MIDEAS: variants seen among roughly 807,000 people sequenced by gnomAD.
The protein encoded by MIDEAS is mitotic deacetylase-associated SANT domain protein.
MIDEAS carries 26 observed loss-of-function variants against 102.7 expected under a neutral mutation model. The ratio of observed to expected loss-of-function variants is 0.25; its 90% CI spans 0.19 to 0.35. The LOEUF is 0.35. Among genes scored for constraint, MIDEAS ranks in the 10% least tolerant of loss-of-function variants. The probability of loss-of-function intolerance (pLI) is 1.00; values close to 1 mark genes in which losing one functional copy is unlikely to be tolerated. For synonymous variants in MIDEAS, 585 were observed against 591.0 expected, an observed-to-expected ratio of 0.99 and a Z score of 0.15; for missense variants, 1,231 against 1,435.6, an observed-to-expected ratio of 0.86 and a Z score of 2.30.
At chr14:73,778,563 C>T (rs1329125218) in intron 1 of MIDEAS, among the ~76,000 whole-genome samples, 1 of 151,904 alleles carries the variant, frequency 6.6e-6, no homozygotes, top group Admixed American at 6.6e-5. Flanking sequence ...TGGCTATTGG[C>T]TTCTAAGTTG....
chr14:73,785,131 G>A (rs1173407976), intron 1 of MIDEAS, among the ~76,000 whole-genome samples: 2 of 152,248 alleles, frequency 1.3e-5, no homozygotes, highest in Admixed American at 6.5e-5. Flanking sequence ...GCTGGGCTGA[G>A]TGCTCCCCAT....
In MIDEAS at chr14:73,738,855, G is replaced by A. The variant is rs751548961; in HGVS notation, c.1154C>T (p.Pro385Leu). ...LFLHHWPLQQPPPGSLGQPHP... is the reference protein window; with the variant it reads ...LFLHHWPLQQLPPGSLGQPHP... ...GGGCTGCCCCAGGGAGCCAGGTGGC[G>A]GCTGCTGCAGGGGCCAGTGATGTAG... The change falls in exon 2 of 13, where the codon CCG (proline) becomes CTG (leucine). Residue 385 changes from proline (P) to leucine (L), a missense_variant. Around this residue, in one of 5 missense-constraint regions of MIDEAS, gnomAD observed 758 missense variants for 856.0 expected, o/e 0.89. Transcript: ENST00000423556. 20 of 1,570,768 alleles carry A rather than the reference G, an allele frequency of 1.3e-5. No homozygotes were observed. Among genetic ancestry groups the A allele is most frequent in the Middle Eastern group, 3.4e-4 (2 of 5,848 alleles).
At chr14:73,756,318 G>C (rs74062529) in intron 1 of MIDEAS, among the ~76,000 whole-genome samples, 2,420 of 151,918 alleles carry the variant, frequency 0.016, 71 homozygotes, top group African/African-American at 0.055. Context: ...GCGCGCTGAG[G>C]TGGAGGGAGG....
intron 3 of MIDEAS, among the ~76,000 whole-genome samples, chr14:73,732,189 AG>A (rs1401724996): frequency 6.7e-6 from 1 of 148,398 alleles, no homozygotes; most frequent in Non-Finnish European, 1.5e-5. Flanking sequence ...ACAAGAACCC[AG>A]AGAGCAGAGA....
At chr14:73,783,752 A>C (rs1426197085) in intron 1 of MIDEAS, among the ~76,000 whole-genome samples, 1 of 152,234 alleles carries the variant, frequency 6.6e-6, no homozygotes, top group African/African-American at 2.4e-5. Flanking sequence ...TTCAGTGAGA[A>C]CAAGAAATGA....
chr14:73,722,472 T>C (rs955884903), intron 10 of MIDEAS: 2 of 384,806 alleles, frequency 5.2e-6, no homozygotes, highest in Non-Finnish European at 9.4e-6. Flanking sequence ...GTGTGAATCT[T>C]GTGGGAAAAT....
upstream of MIDEAS, among the ~76,000 whole-genome samples, chr14:73,761,232 C>G (rs1454218138): frequency 6.6e-6 from 1 of 152,154 alleles, no homozygotes; most frequent in African/African-American, 2.4e-5. Context: ...ACCTGAGAAC[C>G]AGGTGCATCC....
At chr14:73,756,295 T>TGTGCGTGCGC (rs55692592) in intron 1 of MIDEAS, among the ~76,000 whole-genome samples, 2 of 127,626 alleles carry the variant, frequency 1.6e-5, no homozygotes, top group South Asian at 5.4e-4. Context: ...TGTGTGTGTG[T>TGTGCGTGCGC]GCGCGCGCGC....
rs1472414000 is a variant in MIDEAS at position 73,760,222 on chromosome 14, T to C, written c.-707A>G. The C allele has an allele frequency of 6.6e-6, 1 of 151,604 alleles. No individual in the cohort carries two copies. Among genetic ancestry groups the C allele is most frequent in the Admixed American group, 6.6e-5 (1 of 15,204 alleles). 9.4% of individuals were successfully genotyped at this position (151,604 alleles called of 1,614,324 possible). A position where few individuals can be genotyped will look rare whatever the true frequency, so the allele number is the denominator to read the frequency against. ...TACAAAGGATTGCACAACTCGAGGCTGGGAGCGCGGAGCGCCCAGCGGCCG... is the reference window on the plus strand; with the variant it reads ...TACAAAGGATTGCACAACTCGAGGCCGGGAGCGCGGAGCGCCCAGCGGCCG... On this transcript the variant is annotated 5_prime_UTR_variant, in exon 1 of 13. Transcript: ENST00000423556. This position sits in a 1 kb window ranked among gnomAD's most constrained non-coding sequence, Gnocchi z 4.8.
intron 3 of MIDEAS, among the ~76,000 whole-genome samples, chr14:73,731,217 C>T (rs923445049): frequency 2.2e-4 from 33 of 152,324 alleles, no homozygotes; most frequent in Middle Eastern, 3.4e-3. Flanking sequence ...ACAGGGTGAG[C>T]AGCACCCAGT....
chr14:73,739,832 A>C lies in MIDEAS; in HGVS notation c.177T>G (p.Ser59=). 1 of 1,609,538 alleles carries C rather than the reference A, an allele frequency of 6.2e-7. No homozygotes were observed. Among genetic ancestry groups the C allele is most frequent in the South Asian group, 1.1e-5 (1 of 90,772 alleles). ...HEGPGGAVST[S]QPVELPPPSS... is the part of the protein sequence containing the mutation. ...TAGGAGGGGGCAGTTCCACAGGCTGAGAGGTGGAGACTGCCCCTCCTGGAC... is the reference window on the plus strand; with the variant it reads ...TAGGAGGGGGCAGTTCCACAGGCTGCGAGGTGGAGACTGCCCCTCCTGGAC... The change falls in exon 2 of 13, where the codon TCT becomes TCG. Residue 59 remains serine, a synonymous_variant. Coordinates refer to ENST00000423556, the MANE Select transcript of MIDEAS (RefSeq NM_001367710.1).
intron 5 of MIDEAS, chr14:73,727,244 T>C: frequency 6.3e-6 from 4 of 639,532 alleles, no homozygotes; most frequent in Non-Finnish European, 1.1e-5. Flanking sequence ...TAGAGATAAG[T>C]TCAAGCTGAG....
upstream of MIDEAS, among the ~76,000 whole-genome samples, chr14:73,761,008 A>G (rs371367888): frequency 2.0e-5 from 3 of 152,080 alleles, no homozygotes; most frequent in African/African-American, 7.2e-5. Flanking sequence ...CCCACATTCA[A>G]TGGGGCTCTA....
At chr14:73,755,876 A>G (rs184355504) in intron 1 of MIDEAS, among the ~76,000 whole-genome samples, 10 of 152,334 alleles carry the variant, frequency 6.6e-5, no homozygotes, top group Admixed American at 6.5e-4. Context: ...GGAACTGGTG[A>G]AATGAGAGTT....
intron 1 of MIDEAS, among the ~76,000 whole-genome samples, chr14:73,783,861 C>T (rs1031550262): frequency 3.9e-5 from 6 of 152,260 alleles, no homozygotes; most frequent in South Asian, 2.1e-4. Context: ...ACTAGAATGC[C>T]CTCTTTAGCT....
At chr14:73,746,984 C>A (rs1296227077) in intron 1 of MIDEAS, among the ~76,000 whole-genome samples, 1 of 152,146 alleles carries the variant, frequency 6.6e-6, no homozygotes, top group East Asian at 1.9e-4. Flanking sequence ...GGGTAAGTGA[C>A]CCCTGGGGAC....
At position 73,751,526 on chromosome 14, in the gene MIDEAS, C is replaced by T. The variant is rs148241513; in HGVS notation, c.-248+8237G>A. Among the ~76,000 whole-genome samples, 323 of 152,246 alleles carry T rather than the reference C, an allele frequency of 2.1e-3. 2 individuals carry two copies. The highest frequency in any genetic ancestry group is 2.6e-3 in the African/African-American group (110 of 41,546). On this transcript the variant is annotated intron_variant, in intron 1 of 12. Coordinates refer to ENST00000423556, the MANE Select transcript of MIDEAS (RefSeq NM_001367710.1). The stretch of plus-strand genomic sequence containing the variant: ...CCAGTGGGCCAACCTGTGGAGGGCT[C>T]GGCATCTTTGCCTAAGAGGAAGTCA...
intron 1 of MIDEAS, among the ~76,000 whole-genome samples, chr14:73,785,216 C>T (rs1706988918): frequency 6.6e-6 from 1 of 152,216 alleles, no homozygotes; most frequent in African/African-American, 2.4e-5. Flanking sequence ...TGCACAAATC[C>T]AATACACGCC....
intron 1 of MIDEAS, among the ~76,000 whole-genome samples, chr14:73,777,777 C>A (rs1441923698): frequency 6.6e-6 from 1 of 152,014 alleles, no homozygotes; most frequent in Non-Finnish European, 1.5e-5. Flanking sequence ...CTAAACCTTT[C>A]CTGACATGCC....
Sources: gnomAD v4.1 joint callset for allele counts (sites outside exome capture counted in the v4.1 genomes callset) on GRCh38, gnomAD v4.1.1 for gene constraint, gnomAD v4.1.1 regional missense constraint, Gnocchi (gnomAD v3.1) non-coding constraint, MANE v1.5 for transcripts, NCBI Gene and HGNC (gene_info 2026-07-23, HGNC 2026-07-21) for gene names.